Variants in ADCYAP1R1 observed in about 807,000 individuals in gnomAD.
ADCYAP1R1 encodes ADCYAP receptor type I, also known as pituitary adenylate cyclase-activating polypeptide type I receptor.
A neutral mutation model predicts 67.6 loss-of-function variants in ADCYAP1R1; 44 were observed. The observed-to-expected ratio is 0.65, with a 90% CI of 0.51 to 0.84. The LOEUF (loss-of-function observed/expected upper bound fraction) is 0.84. ADCYAP1R1 is among the 40% of genes least tolerant of loss of function. The pLI is 0.00. For synonymous variants in ADCYAP1R1, 222 were observed against 219.6 expected (o/e 1.01, Z -0.10); for missense variants, 477 against 587.9 (o/e 0.81, Z 1.95).
At chr7:31,089,484 G>A (rs1055442219) in intron 12 of ADCYAP1R1, among the ~76,000 whole-genome samples, 59 of 150,644 alleles carry the variant, frequency 3.9e-4, no homozygotes, top group African/African-American at 1.4e-3. Flanking sequence ...TGTTTTGGAG[G>A]CATTCATTCA....
intron 13 of ADCYAP1R1, among the ~76,000 whole-genome samples, chr7:31,100,734 T>G (rs1466315846): frequency 6.6e-6 from 1 of 152,170 alleles, no homozygotes; most frequent in Non-Finnish European, 1.5e-5. Flanking sequence ...TGCTGAGAGA[T>G]GAAGTCACTC....
At chr7:31,057,637 G>GATC (rs1248178536) in intron 1 of ADCYAP1R1, among the ~76,000 whole-genome samples, 3 of 134,414 alleles carry the variant, frequency 2.2e-5, no homozygotes, top group East Asian at 4.0e-4. Flanking sequence ...TATCAGCTCT[G>GATC]GTCTTGAGGA....
At chr7:31,087,598 G>A in intron 11 of ADCYAP1R1, 29 bp from the exon 12 acceptor site, 1 of 1,611,472 alleles carries the variant, frequency 6.2e-7, no homozygotes, top group South Asian at 1.1e-5. Flanking sequence ...TCACAGACGT[G>A]ATCTTGCTTC....
chr7:31,056,788 C>T (rs1032168006), intron 1 of ADCYAP1R1: 1 of 152,284 alleles, frequency 6.6e-6, no homozygotes, highest in Non-Finnish European at 1.5e-5. Flanking sequence ...CATTGCCCCA[C>T]CCCTGTCTGG....
At chr7:31,100,216 T>A in intron 13 of ADCYAP1R1, 2 of 1,550,416 alleles carry the variant, frequency 1.3e-6, no homozygotes, top group Middle Eastern at 1.7e-4. Flanking sequence ...ACTCTGTAAG[T>A]GTGCGTGGCC....
At chr7:31,089,675 A>G (rs1324204756) in intron 12 of ADCYAP1R1, among the ~76,000 whole-genome samples, 1 of 152,214 alleles carries the variant, frequency 6.6e-6, no homozygotes, top group African/African-American at 2.4e-5. Context: ...CATGCAGATC[A>G]GATTGCTCTC....
At chr7:31,104,133 C>T (rs1479466412) in intron 14 of ADCYAP1R1, among the ~76,000 whole-genome samples, 1 of 152,170 alleles carries the variant, frequency 6.6e-6, no homozygotes, top group Non-Finnish European at 1.5e-5. Flanking sequence ...CTATGGGTCT[C>T]ACCTGAGACT....
chr7:31,082,851 T>A (rs2267729), intron 6 of ADCYAP1R1, among the ~76,000 whole-genome samples: 72,203 of 152,112 alleles, frequency 0.47, 17,302 homozygotes, highest in East Asian at 0.5. Context: ...TCGGGCAGAG[T>A]TACCCATCCC....
At chr7:31,085,122 G>A (rs1363722917) in intron 8 of ADCYAP1R1, among the ~76,000 whole-genome samples, 188 bp from the exon 9 acceptor site, 1 of 152,228 alleles carries the variant, frequency 6.6e-6, no homozygotes, top group African/African-American at 2.4e-5. Flanking sequence ...GCCATGTGGG[G>A]TGGTGGAGCT....
At position 31,102,267 on chromosome 7, in the gene ADCYAP1R1, G is replaced by T. The variant is rs1456795214; in HGVS notation, c.1047-970G>T. 6.6e-6 allele frequency among the ~76,000 whole-genome samples: 1 copy of T among 152,218 alleles called. No homozygotes were observed. Among genetic ancestry groups the T allele is most frequent in the Non-Finnish European group, 1.5e-5 (1 of 68,034 alleles). On this transcript the variant is annotated intron_variant, in intron 13 of 15. Transcript: ENST00000304166. The surrounding 1 kb of genome is among the most constrained non-coding windows in gnomAD (Gnocchi z 4.3). ...TGATCCTCTGGAGGAGATGGGCCAG[G>T]TGCAGCCTGGGGGCAGGCCACATCT... is the stretch of plus-strand genomic sequence containing the variant.
intron 6 of ADCYAP1R1, among the ~76,000 whole-genome samples, chr7:31,082,491 CTG>C (rs1444945376): frequency 1.3e-5 from 2 of 152,218 alleles, no homozygotes; most frequent in African/African-American, 2.4e-5. Context: ...TTCTAGAACA[CTG>C]TTTTCAAAAA....
At position 31,111,370 on chromosome 7, in the gene ADCYAP1R1, C is replaced by T. The variant is rs1470413058; in HGVS notation, c.*4686C>T. The T allele has an allele frequency of 2.0e-5, 3 of 152,302 alleles. No homozygotes were observed. The allele number at this position is 152,302 out of a possible 1,614,324, so 9.4% of individuals were successfully genotyped here. On this transcript the variant is annotated 3_prime_UTR_variant, in exon 16 of 16. Coordinates refer to ENST00000304166, the MANE Select transcript of ADCYAP1R1 (RefSeq NM_001118.5). ...GTAAAGCTAAGTAAGCCCCACAGAC[C>T]TTACTGCTACTGCTGCTGCCATTAA...
At position 31,069,070 on chromosome 7, in the gene ADCYAP1R1, T is replaced by TGG. The variant is rs60073569; in HGVS notation, c.157+4140_157+4141dup. The stretch of plus-strand genomic sequence containing the variant: ...AGACCAAAGTCCTCAGCATTTGGGT[T>TGG]GGGGGGGTCCATGCAGATCTGTGTT... On this transcript the variant is annotated intron_variant, in intron 3 of 15. Coordinates refer to ENST00000304166, the MANE Select transcript of ADCYAP1R1 (RefSeq NM_001118.5). 2.4e-3 allele frequency among the ~76,000 whole-genome samples: 367 copies of TGG among 152,142 alleles called. 2 individuals are homozygous for TGG. The highest frequency in any genetic ancestry group is 8.4e-3 in the African/African-American group (350 of 41,452).
chr7:31,068,946 C>T (rs893879543), intron 3 of ADCYAP1R1, among the ~76,000 whole-genome samples: 1 of 152,214 alleles, frequency 6.6e-6, no homozygotes, highest in African/African-American at 2.4e-5. Flanking sequence ...CCAAATTAAA[C>T]ACACTTGTGA....
intron 13 of ADCYAP1R1, 101 bp downstream of exon 13, chr7:31,092,836 A>AC: frequency 1.3e-6 from 1 of 774,454 alleles, no homozygotes. Context: ...TGATAGGGTG[A>AC]CCTAGCATCA....
intron 3 of ADCYAP1R1, among the ~76,000 whole-genome samples, chr7:31,068,348 C>T (rs1264372005): frequency 6.6e-6 from 1 of 152,156 alleles, no homozygotes; most frequent in African/African-American, 2.4e-5. Flanking sequence ...TTGTCTCTTA[C>T]CTAGTAAACC....
intron 1 of ADCYAP1R1, among the ~76,000 whole-genome samples, chr7:31,060,573 A>G (rs1794459584): frequency 6.6e-6 from 1 of 151,596 alleles, no homozygotes; most frequent in African/African-American, 2.4e-5. Flanking sequence ...CCATCATGGG[A>G]GTTTGTATTG....
At chr7:31,071,110 G>A (rs1334666900) in intron 3 of ADCYAP1R1, among the ~76,000 whole-genome samples, 1 of 152,214 alleles carries the variant, frequency 6.6e-6, no homozygotes, top group African/African-American at 2.4e-5. Context: ...GGAGGACCAT[G>A]GCTTTGCCTG....
intron 3 of ADCYAP1R1, among the ~76,000 whole-genome samples, chr7:31,072,660 C>T (rs944518748): frequency 6.6e-6 from 1 of 152,240 alleles, no homozygotes; most frequent in African/African-American, 2.4e-5. Context: ...CCAAGTGTGA[C>T]TCCTTGTCTT....
Sources: allele counts gnomAD v4.1 joint callset (sites outside exome capture counted in the v4.1 genomes callset), GRCh38; gene constraint gnomAD v4.1.1; non-coding constraint Gnocchi (gnomAD v3.1); transcripts MANE v1.5; gene names NCBI Gene and HGNC (gene_info 2026-07-23, HGNC 2026-07-21).